Variants in TENM3 observed in about 807,000 individuals in gnomAD.
The protein encoded by TENM3 is teneurin-3.
In TENM3, 63 loss-of-function variants were observed where a neutral mutation model predicts 255.1. The observed-to-expected ratio is 0.25, with a 90% CI of 0.20 to 0.30. The LOEUF (loss-of-function observed/expected upper bound fraction) is 0.30. Among genes scored for constraint, TENM3 ranks in the 10% least tolerant of loss-of-function variants. The pLI is 1.00. For missense variants in TENM3, 2,929 were observed against 3,461.1 expected, an observed-to-expected ratio of 0.85 and a Z score of 3.86; for synonymous variants, 1,306 against 1,322.3, an observed-to-expected ratio of 0.99 and a Z score of 0.27.
intron 3 of TENM3, among the ~76,000 whole-genome samples, chr4:182,523,184 TTTGTTG>T (rs200760976): frequency 0.011 from 1,682 of 151,358 alleles, 30 homozygotes; most frequent in African/African-American, 0.038. Flanking sequence ...TGTGTGTGGT[TTTGTTG>T]TTGTTGTTGT....
At chr4:182,505,951 G>A (rs953097769) in intron 3 of TENM3, among the ~76,000 whole-genome samples, 3 of 152,186 alleles carry the variant, frequency 2.0e-5, no homozygotes, top group African/African-American at 7.2e-5. Context: ...AGGAAAGGTA[G>A]ATGTTGAGTG....
At chr4:182,636,534 G>A (rs1366783909) in intron 5 of TENM3, among the ~76,000 whole-genome samples, 1 of 151,916 alleles carries the variant, frequency 6.6e-6, no homozygotes, top group African/African-American at 2.4e-5. Flanking sequence ...TGGCCAGCAC[G>A]GTGAAACCCC....
At chr4:182,618,387 AT>A (rs1349123959) in intron 4 of TENM3, among the ~76,000 whole-genome samples, 1 of 152,156 alleles carries the variant, frequency 6.6e-6, no homozygotes, top group African/African-American at 2.4e-5. Flanking sequence ...TAAGCTTTCA[AT>A]TTAATTATGT....
chr4:182,706,822 G>A (rs1181889789), intron 12 of TENM3, among the ~76,000 whole-genome samples: 1 of 151,892 alleles, frequency 6.6e-6, no homozygotes, highest in Non-Finnish European at 1.5e-5. Context: ...GTATGGTTGG[G>A]GTGCGCCTGT....
chr4:182,627,154 A>G (rs1750895837), intron 4 of TENM3, among the ~76,000 whole-genome samples: 1 of 152,234 alleles, frequency 6.6e-6, no homozygotes, highest in Non-Finnish European at 1.5e-5. Flanking sequence ...AAGCAATAAT[A>G]TACATAAAAT....
At chr4:181,506,249 C>T in the TENM3 span, among the ~76,000 whole-genome samples, 1 of 152,038 alleles carries the variant, frequency 6.6e-6, no homozygotes, top group South Asian at 2.1e-4. Flanking sequence ...TTAGGGACTT[C>T]TTGGGATATA....
chr4:181,784,276 G>A, the TENM3 span, among the ~76,000 whole-genome samples: 1 of 151,954 alleles, frequency 6.6e-6, no homozygotes, highest in Non-Finnish European at 1.5e-5. Context: ...ACATATGAGT[G>A]ACAAGTTCTA....
intron 3 of TENM3, among the ~76,000 whole-genome samples, chr4:182,368,503 A>G (rs75094059): frequency 1.8e-3 from 267 of 152,248 alleles, no homozygotes; most frequent in African/African-American, 6.3e-3. Flanking sequence ...CTTAGTTTCT[A>G]ACTAACTTCC....
chr4:181,731,171 T>C, the TENM3 span, among the ~76,000 whole-genome samples: 3 of 152,198 alleles, frequency 2.0e-5, no homozygotes, highest in Admixed American at 2.0e-4. Flanking sequence ...GATACATTTT[T>C]TTAAAAAAGA....
the TENM3 span, among the ~76,000 whole-genome samples, chr4:181,479,748 C>A: frequency 6.6e-6 from 1 of 152,022 alleles, no homozygotes; most frequent in Non-Finnish European, 1.5e-5. Context: ...ATATATTTTT[C>A]TTTTTATAAA....
chr4:182,590,372 T>G (rs1746479065), intron 3 of TENM3, among the ~76,000 whole-genome samples: 1 of 151,504 alleles, frequency 6.6e-6, no homozygotes, highest in Admixed American at 6.6e-5. Context: ...GCATGTTGAT[T>G]CACGCCTGTA....
chr4:182,155,677 A>G (rs1303891420), intron 1 of TENM3, among the ~76,000 whole-genome samples: 1 of 152,112 alleles, frequency 6.6e-6, no homozygotes, highest in African/African-American at 2.4e-5. Context: ...ATTTTATGAG[A>G]TTTTTAGAAG....
At chr4:181,632,355 T>A in the TENM3 span, among the ~76,000 whole-genome samples, 1 of 152,102 alleles carries the variant, frequency 6.6e-6, no homozygotes, top group Non-Finnish European at 1.5e-5. Context: ...TCCCCTGACA[T>A]TGGGGGATTA....
At chr4:182,246,080 G>A (rs920484565) in intron 1 of TENM3, among the ~76,000 whole-genome samples, 5 of 152,094 alleles carry the variant, frequency 3.3e-5, no homozygotes, top group African/African-American at 9.7e-5. Flanking sequence ...ACAAACAGAG[G>A]CAGCAACCGC....
At chr4:182,531,237 T>G (rs1017904314) in intron 3 of TENM3, among the ~76,000 whole-genome samples, 2 of 152,252 alleles carry the variant, frequency 1.3e-5, no homozygotes, top group Non-Finnish European at 2.9e-5. Context: ...AACACTGTTT[T>G]GTTATAAATA....
chr4:182,431,494 T>C (rs1771641784), intron 3 of TENM3, among the ~76,000 whole-genome samples: 1 of 151,670 alleles, frequency 6.6e-6, no homozygotes, highest in Non-Finnish European at 1.5e-5. Context: ...TCCCTCTCAA[T>C]ACAAAGAAAA....
At position 182,379,756 on chromosome 4, in the gene TENM3, T is replaced by C. The variant is rs1009241356; in HGVS notation, c.511+32827T>C. 2.9e-4 allele frequency among the ~76,000 whole-genome samples: 44 copies of C among 152,228 alleles called. 1 individual carries two copies. Among genetic ancestry groups the C allele is most frequent in the Admixed American group, 2.9e-3 (44 of 15,288 alleles). On this transcript the variant is annotated intron_variant, in intron 3 of 27. Transcript: ENST00000511685. ...CCCTGAGCCAGGCCGTCTGGCCCCA[T>C]GTTCCAGGTCCACCGCTCACTAGCT... is the stretch of plus-strand genomic sequence containing the variant.
intron 6 of TENM3, among the ~76,000 whole-genome samples, chr4:182,664,664 G>A (rs979114210): frequency 2.6e-5 from 4 of 152,076 alleles, no homozygotes; most frequent in African/African-American, 9.7e-5. Context: ...GTTTTTAAAG[G>A]CAATTGAAAG....
chr4:182,387,176 G>T (rs186205051), intron 3 of TENM3, among the ~76,000 whole-genome samples: 1 of 152,006 alleles, frequency 6.6e-6, no homozygotes, highest in African/African-American at 2.4e-5. Context: ...CTACCTCAGG[G>T]ATTGTAAATA....
Sources: gnomAD v4.1 joint callset for allele counts (sites outside exome capture counted in the v4.1 genomes callset) on GRCh38, gnomAD v4.1.1 for gene constraint, MANE v1.5 for transcripts, NCBI Gene and HGNC (gene_info 2026-07-23, HGNC 2026-07-21) for gene names.